ACAD11: variants seen among roughly 807,000 people sequenced by gnomAD.
ACAD11 encodes acyl-Coenzyme A dehydrogenase family, member 11.
Under a neutral mutation model 102.2 loss-of-function variants are expected in ACAD11, and 83 were observed. That is an observed-to-expected ratio of 0.81 (90% CI 0.68 to 0.97). The LOEUF is 0.97. Ranked by LOEUF, ACAD11 falls within the 50% of genes least tolerant of loss-of-function variation. The pLI is 0.00. For missense variants in ACAD11, 901 were observed against 951.7 expected (o/e 0.95, Z 0.70); for synonymous variants, 324 against 319.8 (o/e 1.01, Z -0.14).
At chr3:132,630,304 A>G in intron 7 of ACAD11, 133 bp downstream of exon 7, 1 of 996,586 alleles carries the variant, frequency 1.0e-6, no homozygotes, top group Non-Finnish European at 1.4e-6. Flanking sequence ...TATTTTACCT[A>G]TGTCTGATAC....
chr3:132,648,130 TG>T (rs1940784557), intron 1 of ACAD11, among the ~76,000 whole-genome samples: 2 of 152,270 alleles, frequency 1.3e-5, no homozygotes, highest in South Asian at 4.1e-4. Flanking sequence ...AGCCATTATC[TG>T]TAGTAGCAGT....
chr3:132,646,493 T>C (rs978725254), intron 1 of ACAD11: 2 of 152,354 alleles, frequency 1.3e-5, no homozygotes, highest in South Asian at 4.1e-4. Flanking sequence ...TATAAAGCAC[T>C]GGTCTTTCAT....
Position 132,639,546 on chromosome 3 carries a change from C to A in ACAD11, c.648G>T (p.Glu216Asp). The A allele has an allele frequency of 6.2e-7, 1 of 1,613,962 alleles. No homozygotes were observed. The highest frequency in any genetic ancestry group is 8.5e-7 in the Non-Finnish European group (1 of 1,179,964). ...GTCTGAAATCTCCATGAATCAAATT[C>A]TCTTCATTGTCATTATCGGGCAAGT... ...MKNLPDNDNE[E>D]NLIHGDFRLD... The change falls in exon 5 of 20, where the codon GAG (glutamate) becomes GAT (aspartate). Residue 216 changes from glutamate to aspartate, a missense_variant. Coordinates refer to ENST00000264990, the MANE Select transcript of ACAD11 (RefSeq NM_032169.5).
At chr3:132,573,256 T>C (rs1166415415) in intron 17 of ACAD11, among the ~76,000 whole-genome samples, 1 of 152,194 alleles carries the variant, frequency 6.6e-6, no homozygotes, top group African/African-American at 2.4e-5. Context: ...AAAGCGGTGA[T>C]GTTCAACATG....
intron 17 of ACAD11, among the ~76,000 whole-genome samples, chr3:132,562,078 G>A (rs1012436723): frequency 2.0e-5 from 3 of 152,064 alleles, no homozygotes; most frequent in Non-Finnish European, 4.4e-5. Flanking sequence ...CCTGTTGAAG[G>A]ACATTTCGGT....
intron 13 of ACAD11, among the ~76,000 whole-genome samples, chr3:132,585,656 C>T (rs1937781788): frequency 6.6e-6 from 1 of 152,130 alleles, no homozygotes; most frequent in African/African-American, 2.4e-5. Flanking sequence ...AAAAAACAAA[C>T]AACCCCATCA....
chr3:132,559,813 C>T lies in ACAD11; in HGVS notation c.2228+20G>A, dbSNP rs1348935123. The T allele has an allele frequency of 1.3e-6, 2 of 1,592,376 alleles. No individual in the cohort carries two copies. Among genetic ancestry groups the T allele is most frequent in the African/African-American group, 1.3e-5 (1 of 74,570 alleles). ...CCACGCCTATCAAACGTAGATGATT[C>T]TTAAATGACATCTACTCACATGTTA... On this transcript the variant is annotated intron_variant, in intron 19 of 19. Transcript: ENST00000264990.
intron 1 of ACAD11, among the ~76,000 whole-genome samples, chr3:132,655,802 T>C (rs914809195): frequency 6.6e-6 from 1 of 152,244 alleles, no homozygotes; most frequent in African/African-American, 2.4e-5. Flanking sequence ...AGATACATAT[T>C]AGGCACTCAG....
chr3:132,565,614 G>A (rs1352061337), intron 17 of ACAD11, among the ~76,000 whole-genome samples: 5 of 152,172 alleles, frequency 3.3e-5, no homozygotes, highest in East Asian at 3.8e-4. Context: ...AAGAGACACC[G>A]TGATATAGTT....
At chr3:132,607,888 A>T (rs2107831543) in intron 11 of ACAD11, among the ~76,000 whole-genome samples, 1 of 152,308 alleles carries the variant, frequency 6.6e-6, no homozygotes, top group Non-Finnish European at 1.5e-5. Flanking sequence ...CAGGTTACCC[A>T]CAAAAGGAAG....
At chr3:132,566,296 C>CAAAAAAAAAAAAAAAAA (rs371477145) in intron 17 of ACAD11, among the ~76,000 whole-genome samples, 2 of 61,888 alleles carry the variant, frequency 3.2e-5, no homozygotes, top group African/African-American at 9.3e-5. Context: ...AAAACAAACT[C>CAAAAAAAAAAAAAAAAA]AAAAAAACAA....
At position 132,628,358 on chromosome 3, in the gene ACAD11, C is replaced by T; in HGVS notation, c.1052G>A (p.Gly351Glu). 6.2e-7 allele frequency: 1 copy of T among 1,612,416 alleles called. No homozygotes were observed. Among genetic ancestry groups the T allele is most frequent in the Non-Finnish European group, 8.5e-7 (1 of 1,179,328 alleles). The change falls in exon 8 of 20, where the codon GGA becomes GAA. Residue 351 changes from glycine to glutamate, a missense_variant. Gly to Glu is a moderately conservative substitution (Grantham distance 98). Coordinates refer to ENST00000264990, the MANE Select transcript of ACAD11 (RefSeq NM_032169.5). The part of the protein sequence containing the change: ...ANIVQPLAET[G>E]LQLSKRTFST... ...TCCTTACCGTTTGGAGAGTTGTAGT[C>T]CAGTTTCTGCCAGAGGTTGCACAAT...
intron 1 of ACAD11, among the ~76,000 whole-genome samples, chr3:132,648,283 T>G (rs1462357811): frequency 6.6e-6 from 1 of 152,180 alleles, no homozygotes; most frequent in African/African-American, 2.4e-5. Context: ...AGATGCAGTT[T>G]ACTAATTAGA....
At position 132,626,837 on chromosome 3, in the gene ACAD11, G is replaced by C. The variant is rs1288642550; in HGVS notation, c.1071-20C>G. 6.3e-7 allele frequency: 1 copy of C among 1,587,068 alleles called. No homozygotes were observed. Among genetic ancestry groups the C allele is most frequent in the African/African-American group, 1.4e-5 (1 of 73,062 alleles). On this transcript the variant is annotated intron_variant, in intron 8 of 19. Transcript: ENST00000264990. ...AAAGTTCTTTGCCAAAAGAAAAAAG[G>C]AAAAAAAGGTTACAAAGATGTCCAA...
rs757465283 is a variant in ACAD11 at position 132,630,445 on chromosome 3, T to A, written c.955A>T (p.Ile319Leu). 6.2e-6 allele frequency: 10 copies of A among 1,613,496 alleles called. No homozygotes were observed. The highest frequency in any genetic ancestry group is 8.5e-6 in the Non-Finnish European group (10 of 1,179,754). The change falls in exon 7 of 20, where the codon ATA becomes TTA. Residue 319 changes from isoleucine (I) to leucine (L), a missense_variant. By Grantham distance (5) the Ile-to-Leu change is conservative (BLOSUM62 2). Coordinates refer to ENST00000264990, the MANE Select transcript of ACAD11 (RefSeq NM_032169.5). The stretch of plus-strand genomic sequence containing the variant: ...TTAAAACAATTAATTACCTGTGCTA[T>A]TCCAGCCATCTTAAAATATGAAAGG... Reference protein sequence around the residue: ...LALSYFKMAGIAQGVYSRYLL... With the variant: ...LALSYFKMAGLAQGVYSRYLL...
chr3:132,563,528 A>G (rs1937124459), intron 17 of ACAD11, among the ~76,000 whole-genome samples: 1 of 152,146 alleles, frequency 6.6e-6, no homozygotes. Flanking sequence ...GTAGTACTTA[A>G]AAAAAACTGT....
chr3:132,600,320 T>G, intron 13 of ACAD11: 1 of 1,327,864 alleles, frequency 7.5e-7, no homozygotes, highest in Non-Finnish European at 1.0e-6. Flanking sequence ...ACAAAACAGC[T>G]TGATAAAAAC....
rs202169644 is a variant in ACAD11 at position 132,644,880 on chromosome 3, G to T, written c.166C>A (p.Pro56Thr). 2 of 1,607,466 alleles carry T rather than the reference G, an allele frequency of 1.2e-6. No homozygotes were observed. Among genetic ancestry groups the T allele is most frequent in the Non-Finnish European group, 1.7e-6 (2 of 1,177,138 alleles). The stretch of plus-strand genomic sequence containing the variant: ...AAGCCCTTCTGGAGATAAAAGGTTG[G>T]ATTGGACTTTCCTGCTCTAGATAAA... ...IAQYRAGKSN[P>T]TFYLQKGFQT... is the part of the protein sequence containing the mutation. The change falls in exon 2 of 20, where the codon CCA becomes ACA. Residue 56 changes from proline to threonine, a missense_variant. By Grantham distance (38) the Pro-to-Thr change is conservative. Coordinates refer to ENST00000264990, the MANE Select transcript of ACAD11 (RefSeq NM_032169.5).
In ACAD11 at chr3:132,603,287, G is replaced by A. The variant is rs539688119; in HGVS notation, c.1563C>T (p.Cys521=). Residue 521 remains cysteine (C), a synonymous_variant, in exon 13 of 20, where the codon TGC becomes TGT. Transcript: ENST00000264990. ...AGCTATCTTCATCTCGTTGGATGCT[G>A]CATTCAATATTCGTGGCATCACTTG... ...VASSDATNIE[C]SIQRDEDSYV... is the part of the protein sequence containing the mutation. The A allele has an allele frequency of 1.9e-6, 3 of 1,613,980 alleles. No individual in the cohort carries two copies. The highest frequency in any genetic ancestry group is 3.3e-5 in the Admixed American group (2 of 60,026).
Sources: allele counts gnomAD v4.1 joint callset (sites outside exome capture counted in the v4.1 genomes callset), GRCh38; gene constraint gnomAD v4.1.1; transcripts MANE v1.5; gene names NCBI Gene and HGNC (gene_info 2026-07-23, HGNC 2026-07-21).